The following ZC3HAV1 variants were observed in gnomAD, a reference collection of about 807,000 sequenced individuals.
ZC3HAV1 encodes the protein zinc finger CCCH-type antiviral protein 1.
A neutral mutation model predicts 86.6 loss-of-function variants in ZC3HAV1; 41 were observed. The ratio of observed to expected loss-of-function variants is 0.47; its 90% CI spans 0.37 to 0.61. The LOEUF (loss-of-function observed/expected upper bound fraction) is 0.61, where lower values mean the gene tolerates loss of function less well. Ranked by LOEUF, ZC3HAV1 falls within the 20% of genes least tolerant of loss-of-function variation. ZC3HAV1 has a pLI of 0.00. For missense variants in ZC3HAV1, 964 were observed against 1,141.1 expected (o/e 0.84, Z 2.24); for synonymous variants, 421 against 432.1 (o/e 0.97, Z 0.32).
chr7:139,049,096 A>G (rs895610436), intron 12 of ZC3HAV1, among the ~76,000 whole-genome samples: 37 of 141,854 alleles, frequency 2.6e-4, no homozygotes, highest in Admixed American at 1.4e-4. Context: ...AAATCTTGCT[A>G]TGTCAGTACA....
At chr7:139,078,297 G>T (rs576443619) in intron 5 of ZC3HAV1, among the ~76,000 whole-genome samples, 1 of 152,238 alleles carries the variant, frequency 6.6e-6, no homozygotes, top group East Asian at 1.9e-4. Flanking sequence ...TGTTGGTGAG[G>T]ATGTGGAGAA....
rs139312571 is a variant in ZC3HAV1 at position 139,087,649 on chromosome 7, T to C, written c.444+1975A>G. ...AATCACTTCTCATGTTATAAGATTT[T>C]TAAGTTCTTAGGGAAACACACTGAG... On this transcript the variant is annotated intron_variant, in intron 2 of 12. Coordinates refer to ENST00000242351, the MANE Select transcript of ZC3HAV1 (RefSeq NM_020119.4). Among the ~76,000 whole-genome samples the C allele has an allele frequency of 4.5e-3, 680 of 152,246 alleles. 12 individuals carry two copies. Among genetic ancestry groups the C allele is most frequent in the Non-Finnish European group, 3.2e-3 (216 of 68,032 alleles).
At chr7:139,104,294 A>G (rs77463535) in intron 1 of ZC3HAV1, among the ~76,000 whole-genome samples, 1,654 of 152,078 alleles carry the variant, frequency 0.011, 29 homozygotes, top group African/African-American at 0.038. Context: ...CCACATCGGC[A>G]AAAACCGCAA....
rs371427873 is a variant in ZC3HAV1 at position 139,084,079 on chromosome 7, T to C, written c.445-47A>G. On this transcript the variant is annotated intron_variant, in intron 2 of 12. Coordinates refer to ENST00000242351, the MANE Select transcript of ZC3HAV1 (RefSeq NM_020119.4). ...GCCAGAGTCAAAACACCTTCTTGTA[T>C]TTGCCAAACATTCATTAAGGCAAGC... is the stretch of plus-strand genomic sequence containing the variant. The C allele has an allele frequency of 3.1e-6, 5 of 1,592,898 alleles. No individual in the cohort carries two copies. The South Asian group carries it at 4.5e-5, about 14-fold the overall frequency.
rs1228514851 is a variant in ZC3HAV1 at position 139,061,259 on chromosome 7, G to A, written c.1994-121C>T. The A allele has an allele frequency of 1.5e-5, 13 of 891,760 alleles. No individual in the cohort carries two copies. In the Admixed American group the frequency reaches 2.2e-4, roughly 15 times the overall value. The allele number at this position is 891,760 out of a possible 1,614,324, so 55.2% of individuals were successfully genotyped here. ...ATTCAAGACTGACCTGTATGTATAC[G>A]AATAGAGAAAATCCTTTGGGATGAG... On this transcript the variant is annotated intron_variant, in intron 8 of 12. Transcript: ENST00000242351.
intron 2 of ZC3HAV1, among the ~76,000 whole-genome samples, chr7:139,084,986 C>T (rs1273614295): frequency 3.3e-5 from 5 of 152,188 alleles, no homozygotes; most frequent in Non-Finnish European, 5.9e-5. Context: ...TCGCTAAAAC[C>T]TGATTCAAAT....
intron 1 of ZC3HAV1, among the ~76,000 whole-genome samples, chr7:139,092,163 G>A (rs6467824): frequency 0.32 from 48,187 of 152,108 alleles, 8,644 homozygotes; most frequent in African/African-American, 0.47. Flanking sequence ...GACTTTGGGC[G>A]TTATCAATCG....
intron 2 of ZC3HAV1, among the ~76,000 whole-genome samples, chr7:139,085,002 T>C (rs762420457): frequency 2.0e-5 from 3 of 152,200 alleles, no homozygotes; most frequent in Non-Finnish European, 4.4e-5. Context: ...CAAATAGATA[T>C]ATGTAACTGC....
At chr7:139,070,276 T>A (rs1298673533) in intron 7 of ZC3HAV1, among the ~76,000 whole-genome samples, 2 of 151,958 alleles carry the variant, frequency 1.3e-5, no homozygotes, top group Non-Finnish European at 2.9e-5. Context: ...AACTCCACAG[T>A]TTTCATGGGA....
At chr7:139,062,155 C>T (rs1179261701) in intron 8 of ZC3HAV1, among the ~76,000 whole-genome samples, 1 of 152,026 alleles carries the variant, frequency 6.6e-6, no homozygotes, top group Non-Finnish European at 1.5e-5. Context: ...CTATATCCTG[C>T]TTAGGGTGGT....
At chr7:139,104,217 C>G (rs1281752045) in intron 1 of ZC3HAV1, among the ~76,000 whole-genome samples, 1 of 151,902 alleles carries the variant, frequency 6.6e-6, no homozygotes, top group Admixed American at 6.6e-5. Flanking sequence ...TCTACCCACC[C>G]CCACCCAAAA....
intron 1 of ZC3HAV1, among the ~76,000 whole-genome samples, chr7:139,090,994 G>T (rs1817412815): frequency 6.6e-6 from 1 of 152,100 alleles, no homozygotes; most frequent in Non-Finnish European, 1.5e-5. Context: ...CATTCTCCCA[G>T]GCGGGCCCTT....
In ZC3HAV1 at chr7:139,080,253, A is replaced by G; in HGVS notation, c.698-10T>C. 2 of 1,603,150 alleles carry G rather than the reference A, an allele frequency of 1.2e-6. No individual in the cohort carries two copies. The highest frequency in any genetic ancestry group is 1.7e-6 in the Non-Finnish European group (2 of 1,179,912). ...CGATGTGAAGAAGGAGCTAAGGGGA[A>G]AAAAAGCCAAAATGAAACAAAATAA... On this transcript the variant is annotated splice_polypyrimidine_tract_variant and intron_variant, in intron 3 of 12. Coordinates refer to ENST00000242351, the MANE Select transcript of ZC3HAV1 (RefSeq NM_020119.4).
chr7:139,053,699 G>A (rs983344248), intron 11 of ZC3HAV1, 118 bp from the exon 12 acceptor site: 10 of 1,339,322 alleles, frequency 7.5e-6, no homozygotes, highest in South Asian at 3.2e-5. Flanking sequence ...CTTTCACAAC[G>A]GAGCTACTAA....
intron 6 of ZC3HAV1, among the ~76,000 whole-genome samples, chr7:139,074,683 A>G (rs1266423995): frequency 1.3e-5 from 2 of 151,504 alleles, no homozygotes; most frequent in East Asian, 3.9e-4. Flanking sequence ...AAATATGTAA[A>G]TAAATACACA....
chr7:139,057,906 A>G (rs1816333910), intron 9 of ZC3HAV1, among the ~76,000 whole-genome samples: 1 of 152,230 alleles, frequency 6.6e-6, no homozygotes, highest in Non-Finnish European at 1.5e-5. Flanking sequence ...GTGACTCATT[A>G]GAATGAGAAA....
At chr7:139,099,040 TTG>T (rs1301077336) in intron 1 of ZC3HAV1, among the ~76,000 whole-genome samples, 4 of 152,192 alleles carry the variant, frequency 2.6e-5, no homozygotes, top group African/African-American at 9.7e-5. Context: ...GTAGAAAATA[TTG>T]TGTTATCACA....
At chr7:139,053,634 T>C (rs1816200307) in intron 11 of ZC3HAV1, 53 bp from the exon 12 acceptor site, 1 of 1,514,160 alleles carries the variant, frequency 6.6e-7, no homozygotes, top group Non-Finnish European at 8.8e-7. Flanking sequence ...CCCACTCCAG[T>C]TGATAACATT....
intron 1 of ZC3HAV1, among the ~76,000 whole-genome samples, chr7:139,097,411 TATA>T (rs1563140552): frequency 6.3e-5 from 5 of 79,506 alleles, no homozygotes; most frequent in East Asian, 4.1e-4. Flanking sequence ...CATATATATA[TATA>T]TATATATATA....
Sources: allele counts gnomAD v4.1 joint callset (sites outside exome capture counted in the v4.1 genomes callset), GRCh38; gene constraint gnomAD v4.1.1; transcripts MANE v1.5; gene names NCBI Gene and HGNC (gene_info 2026-07-23, HGNC 2026-07-21).